KANK1: variants seen among roughly 807,000 people sequenced by gnomAD.
KANK1 encodes the protein KN motif and ankyrin repeat domains 1.
In KANK1, 109 loss-of-function variants were observed where a neutral mutation model predicts 106.2. The observed-to-expected ratio is 1.03, with a 90% CI of 0.88 to 1.20. KANK1 has a LOEUF of 1.20. KANK1 is among the 50% of genes most tolerant of loss of function. The pLI is 0.00. For missense variants in KANK1, 2,399 were observed against 1,710.7 expected, an observed-to-expected ratio of 1.40 and a Z score of -7.10; for synonymous variants, 873 against 652.2, an observed-to-expected ratio of 1.34 and a Z score of -5.16.
intron 1 of KANK1, among the ~76,000 whole-genome samples, chr9:665,780 C>G (rs537696876): frequency 6.6e-6 from 1 of 152,144 alleles, no homozygotes; most frequent in African/African-American, 2.4e-5. Context: ...TTCTTTCAAT[C>G]CATGAGCATG....
chr9:728,612 G>C (rs932019776), intron 3 of KANK1, among the ~76,000 whole-genome samples: 1 of 152,208 alleles, frequency 6.6e-6, no homozygotes, highest in Non-Finnish European at 1.5e-5. Flanking sequence ...GAGAGATTCA[G>C]AGTCTGGTAC....
At chr9:517,753 T>G (rs2133096017) in intron 1 of KANK1, among the ~76,000 whole-genome samples, 1 of 150,418 alleles carries the variant, frequency 6.6e-6, no homozygotes, top group South Asian at 2.1e-4. Flanking sequence ...TTTTTTTTTT[T>G]TTTGAGACAG....
chr9:598,316 T>C (rs1344730225), intron 1 of KANK1, among the ~76,000 whole-genome samples: 1 of 151,672 alleles, frequency 6.6e-6, no homozygotes, highest in Non-Finnish European at 1.5e-5. Context: ...ACTTTTTTCT[T>C]TTTTTTAGTG....
At chr9:628,092 G>T (rs1477456854) in intron 1 of KANK1, among the ~76,000 whole-genome samples, 1 of 152,176 alleles carries the variant, frequency 6.6e-6, no homozygotes. Context: ...CATTTCCTCA[G>T]TAATCCTAGA....
At chr9:643,624 C>T (rs113831402) in intron 1 of KANK1, among the ~76,000 whole-genome samples, 1,969 of 143,032 alleles carry the variant, frequency 0.014, 142 homozygotes, top group African/African-American at 0.052. Context: ...GGCCAATCCT[C>T]CTGCATAGGC....
intron 1 of KANK1, among the ~76,000 whole-genome samples, chr9:589,042 C>T (rs550653073): frequency 6.2e-4 from 95 of 152,338 alleles, no homozygotes; most frequent in African/African-American, 2.2e-3. Context: ...CTGTGACCAA[C>T]CTGAAGATCA....
In KANK1 at chr9:514,489, A is replaced by C. The variant is rs558760902; in HGVS notation, c.-84+9735A>C. Among the ~76,000 whole-genome samples, 550 of 150,490 alleles carry C rather than the reference A, an allele frequency of 3.7e-3. 19 individuals are homozygous for C. The highest frequency in any genetic ancestry group is 0.013 in the African/African-American group (535 of 40,146). ...CCTTCTAGTCACAACTCTTGCCCCG[A>C]GGGTATCCTTACTTCTAATATCATA... On this transcript the variant is annotated intron_variant, in intron 1 of 11. Transcript: ENST00000382297.
At chr9:647,092 T>C (rs1839841159) in intron 1 of KANK1, among the ~76,000 whole-genome samples, 1 of 151,202 alleles carries the variant, frequency 6.6e-6, no homozygotes, top group Non-Finnish European at 1.5e-5. Flanking sequence ...CTTTGTTATC[T>C]GGCCTAAGCC....
intron 2 of KANK1, among the ~76,000 whole-genome samples, chr9:687,374 A>G (rs912358055): frequency 2.6e-5 from 4 of 152,166 alleles, no homozygotes; most frequent in East Asian, 1.9e-4. Flanking sequence ...CACTTTCACA[A>G]ACTTTAATCT....
At chr9:684,288 A>C (rs188159867) in intron 2 of KANK1, 542 of 985,408 alleles carry the variant, frequency 5.5e-4, no homozygotes, top group Non-Finnish European at 6.3e-4. Context: ...GTACCAGCCT[A>C]TTTGAGTGTA....
rs553862632 is a variant in KANK1, at chr9:742,140, C to T, written c.3697-65C>T. On this transcript the variant is annotated intron_variant, in intron 9 of 11. Coordinates refer to ENST00000382297, the MANE Select transcript of KANK1 (RefSeq NM_015158.5). ...TCTTCCCCCTTTCCCTAGCACAGCC[C>T]CACTAGAGGCCACCACTGCCAGCTC... The T allele has an allele frequency of 2.9e-4, 406 of 1,380,128 alleles. 2 individuals are homozygous for T. In the African/African-American group the frequency reaches 5.0e-3, roughly 17 times the overall value. The allele number at this position is 1,380,128 out of a possible 1,614,324, so 85.5% of individuals were successfully genotyped here. A position where few individuals can be genotyped will look rare whatever the true frequency, so the allele number is the denominator to read the frequency against.
At chr9:706,974 T>G in intron 2 of KANK1, 1 of 985,506 alleles carries the variant, frequency 1.0e-6, no homozygotes, top group Non-Finnish European at 1.2e-6. Context: ...AGAACACACA[T>G]TTTCAGAAGA....
At chr9:628,216 G>A (rs78462581) in intron 1 of KANK1, among the ~76,000 whole-genome samples, 3,928 of 152,242 alleles carry the variant, frequency 0.026, 171 homozygotes, top group African/African-American at 0.09. Context: ...CAGCCTGCTC[G>A]TCTTCAACCT....
chr9:725,624 C>G (rs1314228042), intron 3 of KANK1, among the ~76,000 whole-genome samples: 2 of 151,966 alleles, frequency 1.3e-5, no homozygotes, highest in African/African-American at 4.8e-5. Flanking sequence ...ATCAGTGATT[C>G]TTGTAGGTGG....
intron 1 of KANK1, among the ~76,000 whole-genome samples, chr9:559,667 A>G (rs1034520845): frequency 6.6e-6 from 1 of 152,244 alleles, no homozygotes; most frequent in South Asian, 2.1e-4. Flanking sequence ...AAGACGGAAA[A>G]GACAAACAGA....
At position 713,436 on chromosome 9, in the gene KANK1, C is replaced by G. The variant is rs747311180; in HGVS notation, c.2670C>G (p.Phe890Leu). 5 of 1,599,052 alleles carry G rather than the reference C, an allele frequency of 3.1e-6. No individual in the cohort carries two copies. The highest frequency in any genetic ancestry group is 4.3e-6 in the Non-Finnish European group (5 of 1,174,004). The change falls in exon 3 of 12, where the codon TTC becomes TTG. Residue 890 changes from phenylalanine (F) to leucine (L), a missense_variant. Physicochemically the swap from Phe to Leu is conservative, Grantham distance 22. Coordinates refer to ENST00000382297, the MANE Select transcript of KANK1 (RefSeq NM_015158.5). ...CTGAAGAGCTGAGGAACCCTGACTT[C>G]CAGAAAACCAGTCTGGGTAAAATCA... ...ASTEELRNPD[F>L]QKTSLGKITG...
At chr9:682,328 G>A (rs1817720048) in intron 2 of KANK1, among the ~76,000 whole-genome samples, 1 of 151,286 alleles carries the variant, frequency 6.6e-6, no homozygotes, top group Non-Finnish European at 1.5e-5. Context: ...CATAAAATTT[G>A]ACAGGAAACC....
chr9:687,218 T>C (rs937515139), intron 2 of KANK1, among the ~76,000 whole-genome samples: 10 of 152,164 alleles, frequency 6.6e-5, no homozygotes, highest in Admixed American at 1.3e-4. Context: ...CTTTGTGTAA[T>C]GGACCAGCCC....
chr9:543,354 G>C (rs2060724238), intron 1 of KANK1, among the ~76,000 whole-genome samples: 1 of 151,942 alleles, frequency 6.6e-6, no homozygotes, highest in South Asian at 2.1e-4. Flanking sequence ...ACAGGAGTTT[G>C]AGACCAGCCT....
Sources: allele counts gnomAD v4.1 joint callset (sites outside exome capture counted in the v4.1 genomes callset), GRCh38; gene constraint gnomAD v4.1.1; transcripts MANE v1.5; gene names NCBI Gene and HGNC (gene_info 2026-07-23, HGNC 2026-07-21).